The following CADPS2 variants were observed in gnomAD, a reference collection of about 807,000 sequenced individuals.
CADPS2 encodes calcium-dependent secretion activator 2.
CADPS2 carries 93 observed loss-of-function variants against 172.5 expected under a neutral mutation model. That is an observed-to-expected ratio of 0.54 (90% CI 0.46 to 0.64). The LOEUF (loss-of-function observed/expected upper bound fraction) is 0.64, where lower values mean the gene tolerates loss of function less well. Among genes scored for constraint, CADPS2 ranks in the 30% least tolerant of loss-of-function variants. The pLI is 0.00. For synonymous variants in CADPS2, 546 were observed against 555.2 expected (o/e 0.98, Z 0.23); for missense variants, 1,420 against 1,565.9 (o/e 0.91, Z 1.57).
At chr7:122,354,924 C>G (rs1431122853) in intron 27 of CADPS2, among the ~76,000 whole-genome samples, 1 of 152,174 alleles carries the variant, frequency 6.6e-6, no homozygotes, top group Non-Finnish European at 1.5e-5. Context: ...CACAGTTCAT[C>G]ATCTAGATCA....
At chr7:122,376,026 A>C (rs548917345) in intron 25 of CADPS2, among the ~76,000 whole-genome samples, 1 of 152,296 alleles carries the variant, frequency 6.6e-6, no homozygotes, top group South Asian at 2.1e-4. Context: ...AATCAAAATC[A>C]CAGTGAGATA....
intron 6 of CADPS2, among the ~76,000 whole-genome samples, chr7:122,595,465 A>G (rs2071613781): frequency 6.6e-6 from 1 of 152,052 alleles, no homozygotes; most frequent in Non-Finnish European, 1.5e-5. Context: ...AGATCTTGGA[A>G]TTGCAAAGTA....
intron 14 of CADPS2, among the ~76,000 whole-genome samples, chr7:122,458,089 C>A (rs1201687667): frequency 6.6e-6 from 1 of 152,152 alleles, no homozygotes; most frequent in Non-Finnish European, 1.5e-5. Flanking sequence ...CTTCTTTTCA[C>A]CTGCTTCTGC....
chr7:122,808,064 C>T (rs1033647866), intron 1 of CADPS2, among the ~76,000 whole-genome samples: 3 of 152,120 alleles, frequency 2.0e-5, no homozygotes, highest in Non-Finnish European at 4.4e-5. Flanking sequence ...GCCACAATAA[C>T]ATTCTACTTC....
intron 3 of CADPS2, among the ~76,000 whole-genome samples, chr7:122,641,848 T>C (rs531988450): frequency 1.3e-5 from 2 of 151,336 alleles, no homozygotes; most frequent in East Asian, 3.9e-4. Flanking sequence ...TCTCCAGGAG[T>C]TCATATGTTA....
intron 1 of CADPS2, among the ~76,000 whole-genome samples, chr7:122,777,046 G>A (rs892016625): frequency 2.0e-5 from 3 of 152,254 alleles, no homozygotes; most frequent in Non-Finnish European, 2.9e-5. Flanking sequence ...AGCTACTCAC[G>A]AGGTTGAGGC....
At chr7:122,493,903 C>T (rs891585530) in intron 9 of CADPS2, among the ~76,000 whole-genome samples, 3 of 152,058 alleles carry the variant, frequency 2.0e-5, no homozygotes, top group African/African-American at 7.2e-5. Flanking sequence ...ATCATTTCAT[C>T]ATTTGTACCC....
chr7:122,683,169 C>A (rs1261774057), intron 2 of CADPS2, among the ~76,000 whole-genome samples: 5 of 152,154 alleles, frequency 3.3e-5, no homozygotes, highest in Non-Finnish European at 5.9e-5. Context: ...GGGGATGGTG[C>A]AGGAAGAAGG....
Position 122,416,035 on chromosome 7 carries a change from A to G in CADPS2, c.2580+26T>C, listed in dbSNP as rs1301021013. Reference sequence around the variant, plus strand: ...ATGGTGAAGCCTTACATATAGCTTTATACTACAGTGAAAACAGGTCATCAC... The same window carrying G: ...ATGGTGAAGCCTTACATATAGCTTTGTACTACAGTGAAAACAGGTCATCAC... On this transcript the variant is annotated intron_variant, in intron 18 of 29. Transcript: ENST00000449022. 2.8e-6 allele frequency: 4 copies of G among 1,419,096 alleles called. No homozygotes were observed. In the South Asian group the frequency reaches 3.9e-5, roughly 14 times the overall value. 87.9% of individuals were successfully genotyped at this position (1,419,096 alleles called of 1,614,324 possible). A position where few individuals can be genotyped will look rare whatever the true frequency, so the allele number is the denominator to read the frequency against.
chr7:122,822,394 C>A lies in CADPS2; in HGVS notation c.339+63605G>T, dbSNP rs1464713023. ...AAGACCTCCCTTCAGCTTAATCTCT[C>A]CCACTCTAGGTTCCCACACCGCCCC... On this transcript the variant is annotated intron_variant, in intron 1 of 29. Transcript: ENST00000449022. Among the ~76,000 whole-genome samples, 3 of 152,076 alleles carry A rather than the reference C, an allele frequency of 2.0e-5. No individual in the cohort carries two copies. The South Asian group carries it at 6.2e-4, about 31-fold the overall frequency.
At chr7:122,780,455 C>A (rs890245216) in intron 1 of CADPS2, among the ~76,000 whole-genome samples, 1 of 152,060 alleles carries the variant, frequency 6.6e-6, no homozygotes, top group South Asian at 2.1e-4. Context: ...GGAAATTACC[C>A]TGCCTTTGTT....
At chr7:122,350,559 C>A (rs1180306062) in intron 27 of CADPS2, among the ~76,000 whole-genome samples, 1 of 152,074 alleles carries the variant, frequency 6.6e-6, no homozygotes, top group Non-Finnish European at 1.5e-5. Flanking sequence ...ATACAGTTTG[C>A]CAAGTTTTTA....
chr7:122,404,368 C>T (rs941617969), intron 20 of CADPS2, among the ~76,000 whole-genome samples: 4 of 152,226 alleles, frequency 2.6e-5, no homozygotes, highest in South Asian at 2.1e-4. Context: ...GTATATGGGC[C>T]ACATTTCTTA....
chr7:122,332,593 CT>C (rs1226748472), intron 28 of CADPS2, among the ~76,000 whole-genome samples: 1 of 151,996 alleles, frequency 6.6e-6, no homozygotes, highest in Non-Finnish European at 1.5e-5. Context: ...AAATAGGCAC[CT>C]AATAAATGCT....
rs767274175 is a variant in CADPS2 at position 122,886,007 on chromosome 7, G to T, written c.331C>A (p.Gln111Lys). 16 of 1,606,342 alleles carry T rather than the reference G, an allele frequency of 1.0e-5. No homozygotes were observed. The highest frequency in any genetic ancestry group is 1.3e-5 in the African/African-American group (1 of 74,844). Residue 111 changes from glutamine (Q) to lysine (K), a missense_variant, in exon 1 of 30, where the codon CAG (glutamine) becomes AAG (lysine). Transcript: ENST00000449022. ...AKQPTDMARR[Q>K]QKLNKQQLQL... Reference sequence around the variant, plus strand: ...CCGGTCCCGCAACTCACCTTCTGCTGCCTCCGGGCCATGTCGGTGGGCTGC... The same window carrying T: ...CCGGTCCCGCAACTCACCTTCTGCTTCCTCCGGGCCATGTCGGTGGGCTGC...
In CADPS2 at chr7:122,513,335, C is replaced by T. The variant is rs772367559; in HGVS notation, c.1476-20G>A. 1 of 1,505,726 alleles carries T rather than the reference C, an allele frequency of 6.6e-7. No individual in the cohort carries two copies. Among genetic ancestry groups the T allele is most frequent in the Non-Finnish European group, 9.0e-7 (1 of 1,105,288 alleles). The allele number at this position is 1,505,726 out of a possible 1,614,324, so 93.3% of individuals were successfully genotyped here. On this transcript the variant is annotated intron_variant, in intron 8 of 29. Transcript: ENST00000449022. Reference sequence around the variant, plus strand: ...AGATATCTGGAAAGAAAAACAAAAGCCAAAGAATACTTCAGATGAATAATG... The same window carrying T: ...AGATATCTGGAAAGAAAAACAAAAGTCAAAGAATACTTCAGATGAATAATG...
intron 19 of CADPS2, among the ~76,000 whole-genome samples, chr7:122,413,630 G>C (rs541967987): frequency 2.0e-5 from 3 of 152,292 alleles, no homozygotes; most frequent in Admixed American, 1.3e-4. Flanking sequence ...CTCTTTCATG[G>C]AGCAAAGGAA....
chr7:122,337,140 T>C (rs1464356364), intron 28 of CADPS2, among the ~76,000 whole-genome samples: 2 of 152,182 alleles, frequency 1.3e-5, no homozygotes, highest in African/African-American at 4.8e-5. Context: ...CAAGCTGCGG[T>C]AAGTAGTGAC....
intron 5 of CADPS2, among the ~76,000 whole-genome samples, chr7:122,617,719 G>C (rs143717789): frequency 6.6e-6 from 1 of 152,096 alleles, no homozygotes; most frequent in Non-Finnish European, 1.5e-5. Flanking sequence ...GGATCTGCTA[G>C]CCTAATATCA....
Sources: gnomAD v4.1 joint callset for allele counts (sites outside exome capture counted in the v4.1 genomes callset) on GRCh38, gnomAD v4.1.1 for gene constraint, MANE v1.5 for transcripts, NCBI Gene and HGNC (gene_info 2026-07-23, HGNC 2026-07-21) for gene names.